FNIP2: variants seen among roughly 807,000 people sequenced by gnomAD.
FNIP2 encodes the protein folliculin-interacting protein 2.
Under a neutral mutation model 108.7 loss-of-function variants are expected in FNIP2, and 32 were observed. The ratio of observed to expected loss-of-function variants is 0.29; its 90% CI spans 0.22 to 0.40. FNIP2 has a LOEUF of 0.40. Among genes scored for constraint, FNIP2 ranks in the 10% least tolerant of loss-of-function variants. The probability of loss-of-function intolerance (pLI) is 1.00; values close to 1 mark genes in which losing one functional copy is unlikely to be tolerated. For synonymous variants in FNIP2, 480 were observed against 496.7 expected (o/e 0.97, Z 0.45); for missense variants, 1,202 against 1,381.6 (o/e 0.87, Z 2.06).
chr4:158,840,403 G>GC (rs1779058691), intron 7 of FNIP2, among the ~76,000 whole-genome samples: 2 of 147,636 alleles, frequency 1.4e-5, no homozygotes, highest in South Asian at 4.3e-4. Flanking sequence ...TTTTGTTGTT[G>GC]TTTTTTTTTT....
intron 14 of FNIP2, among the ~76,000 whole-genome samples, chr4:158,883,039 A>G (rs1052633096): frequency 6.6e-6 from 1 of 152,044 alleles, no homozygotes; most frequent in African/African-American, 2.4e-5. Context: ...TCATTTATTA[A>G]TAAATCAGAA....
chr4:158,823,618 T>G (rs773344829), intron 1 of FNIP2, among the ~76,000 whole-genome samples: 3 of 152,172 alleles, frequency 2.0e-5, no homozygotes, highest in Non-Finnish European at 4.4e-5. Context: ...CCAGGAATAG[T>G]GCTTACTCAG....
At chr4:158,903,068 C>T (rs146614805) in intron 16 of FNIP2, among the ~76,000 whole-genome samples, 1 of 152,292 alleles carries the variant, frequency 6.6e-6, no homozygotes, top group African/African-American at 2.4e-5. Context: ...CAGTGTCTGC[C>T]CAAATGGCCG....
chr4:158,839,428 G>C (rs1778996928), intron 7 of FNIP2, among the ~76,000 whole-genome samples: 1 of 152,038 alleles, frequency 6.6e-6, no homozygotes, highest in Non-Finnish European at 1.5e-5. Flanking sequence ...TGTGATCATA[G>C]CTCACTGCAT....
At chr4:158,800,056 T>C (rs1223002017) in intron 1 of FNIP2, among the ~76,000 whole-genome samples, 1 of 152,172 alleles carries the variant, frequency 6.6e-6, no homozygotes, top group African/African-American at 2.4e-5. Flanking sequence ...AGTTTAGATA[T>C]GAAGTAGTTA....
At chr4:158,794,976 G>A (rs377528679) in intron 1 of FNIP2, among the ~76,000 whole-genome samples, 1 of 152,144 alleles carries the variant, frequency 6.6e-6, no homozygotes, top group African/African-American at 2.4e-5. Context: ...TCTGCTAAGA[G>A]AAGTTTATTC....
At chr4:158,799,454 C>A (rs891264969) in intron 1 of FNIP2, among the ~76,000 whole-genome samples, 1 of 152,162 alleles carries the variant, frequency 6.6e-6, no homozygotes, top group Non-Finnish European at 1.5e-5. Context: ...GTAGAGTAAG[C>A]AAATGTGTTA....
intron 1 of FNIP2, among the ~76,000 whole-genome samples, chr4:158,808,216 T>A (rs1172697896): frequency 6.6e-6 from 1 of 152,176 alleles, no homozygotes; most frequent in Non-Finnish European, 1.5e-5. Context: ...GAATTCTAGA[T>A]CCCCAGATAG....
intron 7 of FNIP2, chr4:158,836,445 C>T (rs913644700): frequency 6.6e-6 from 1 of 151,914 alleles, no homozygotes; most frequent in Non-Finnish European, 1.5e-5. Context: ...TGGTTAAAAT[C>T]GATGTGTTTT....
chr4:158,834,336 C>CTCTCTCTCTCTCTCTCTCTCTCTCTA (rs1778673502), intron 6 of FNIP2: 1 of 151,734 alleles, frequency 6.6e-6, no homozygotes, highest in African/African-American at 2.4e-5. Context: ...CTCTCCCTCT[C>CTCTCTCTCTCTCTCTCTCTCTCTCTA]TAAGTAGTGT....
At position 158,877,436 on chromosome 4, in the gene FNIP2, C is replaced by G. The variant is rs185236236; in HGVS notation, c.2949+6967C>G. Among the ~76,000 whole-genome samples, 58 of 152,356 alleles carry G rather than the reference C, an allele frequency of 3.8e-4. No homozygotes were observed. The Middle Eastern group carries it at 0.01, about 27-fold the overall frequency. On this transcript the variant is annotated intron_variant, in intron 14 of 16. Transcript: ENST00000264433. Reference sequence around the variant, plus strand: ...GTCCAAAATGATTAATTTTCCTCTTCCTCTTGTTTACCTTAGTACAACTCT... The same window carrying G: ...GTCCAAAATGATTAATTTTCCTCTTGCTCTTGTTTACCTTAGTACAACTCT...
At chr4:158,835,146 G>T in intron 6 of FNIP2, 1 of 188,680 alleles carries the variant, frequency 5.3e-6, no homozygotes, top group Non-Finnish European at 1.1e-5. Context: ...TTTTTTTTAA[G>T]AGTTGAACAT....
chr4:158,881,349 ACGG>A (rs1781594513), intron 14 of FNIP2, among the ~76,000 whole-genome samples: 1 of 92,608 alleles, frequency 1.1e-5, no homozygotes, highest in Admixed American at 1.2e-4. Flanking sequence ...CTCTCTTTCC[ACGG>A]TCTCCCTCTC....
At chr4:158,883,070 A>C (rs540246082) in intron 14 of FNIP2, among the ~76,000 whole-genome samples, 11 of 151,778 alleles carry the variant, frequency 7.2e-5, no homozygotes, top group South Asian at 2.1e-4. Flanking sequence ...GCTATCACCC[A>C]AAAAAAATAA....
chr4:158,806,292 G>T lies in FNIP2; in HGVS notation c.108-19624G>T, dbSNP rs146396517. Reference sequence around the variant, plus strand: ...ACACCACAAACCAGCCAGAGAGCTGGCAAGACTCTGCCAGATGTGTGAGTG... The same window carrying T: ...ACACCACAAACCAGCCAGAGAGCTGTCAAGACTCTGCCAGATGTGTGAGTG... On this transcript the variant is annotated intron_variant, in intron 1 of 16. Transcript: ENST00000264433. 5 of 1,289,370 alleles carry T rather than the reference G, an allele frequency of 3.9e-6. No homozygotes were observed. In the African/African-American group the frequency reaches 6.1e-5, roughly 16 times the overall value. 79.9% of individuals were successfully genotyped at this position (1,289,370 alleles called of 1,614,324 possible).
intron 1 of FNIP2, among the ~76,000 whole-genome samples, chr4:158,775,293 G>A (rs1262340760): frequency 1.3e-5 from 2 of 152,074 alleles, no homozygotes; most frequent in East Asian, 3.8e-4. Context: ...TGTTAGGCCT[G>A]GACTATGAGA....
At chr4:158,897,976 AC>A (rs1354900143) in intron 16 of FNIP2, among the ~76,000 whole-genome samples, 3 of 152,218 alleles carry the variant, frequency 2.0e-5, no homozygotes, top group Non-Finnish European at 2.9e-5. Context: ...TTTAGGTCTT[AC>A]ATTTAAGTCT....
chr4:158,867,320 G>A (rs1780639206), intron 12 of FNIP2, among the ~76,000 whole-genome samples: 2 of 152,110 alleles, frequency 1.3e-5, no homozygotes, highest in South Asian at 4.1e-4. Flanking sequence ...GACCTCTCAA[G>A]TAGCTGGGAC....
intron 3 of FNIP2, among the ~76,000 whole-genome samples, chr4:158,830,110 AT>A (rs1778385089): frequency 6.6e-6 from 1 of 152,154 alleles, no homozygotes; most frequent in Admixed American, 6.5e-5. Context: ...CAGATTATAA[AT>A]GAAGGAGGTG....
Sources: gnomAD v4.1 joint callset for allele counts (sites outside exome capture counted in the v4.1 genomes callset) on GRCh38, gnomAD v4.1.1 for gene constraint, MANE v1.5 for transcripts, NCBI Gene and HGNC (gene_info 2026-07-23, HGNC 2026-07-21) for gene names.